Variants in PPP1R16B observed in about 807,000 individuals in gnomAD.
The protein encoded by PPP1R16B is protein phosphatase 1 regulatory inhibitor subunit 16B.
PPP1R16B carries 14 observed loss-of-function variants against 61.7 expected under a neutral mutation model. The ratio of observed to expected loss-of-function variants is 0.23; its 90% CI spans 0.15 to 0.35. PPP1R16B has a LOEUF of 0.35. PPP1R16B is among the 10% of genes least tolerant of loss of function. The probability of loss-of-function intolerance (pLI) is 1.00; values close to 1 mark genes in which losing one functional copy is unlikely to be tolerated. For missense variants in PPP1R16B, 547 were observed against 752.5 expected (o/e 0.73, Z 3.19); for synonymous variants, 266 against 305.3 (o/e 0.87, Z 1.34).
intron 1 of PPP1R16B, among the ~76,000 whole-genome samples, chr20:38,824,059 A>G (rs2084789062): frequency 6.6e-6 from 1 of 152,212 alleles, no homozygotes. Flanking sequence ...CCTAGTTACG[A>G]GTTCCCTAAC....
intron 4 of PPP1R16B, among the ~76,000 whole-genome samples, chr20:38,897,863 A>G (rs969188580): frequency 5.9e-5 from 9 of 152,214 alleles, no homozygotes; most frequent in African/African-American, 2.2e-4. Context: ...GACGTTGAGC[A>G]TCTTTTCATG....
chr20:38,837,569 T>C (rs2084880477), intron 2 of PPP1R16B, among the ~76,000 whole-genome samples: 1 of 149,016 alleles, frequency 6.7e-6, no homozygotes, highest in Non-Finnish European at 1.5e-5. Context: ...TGAGACAGAG[T>C]CTCACTCTGT....
chr20:38,851,022 C>T (rs1413643823), intron 2 of PPP1R16B, among the ~76,000 whole-genome samples: 1 of 151,928 alleles, frequency 6.6e-6, no homozygotes, highest in Non-Finnish European at 1.5e-5. Flanking sequence ...TGCCTGGGGC[C>T]ACACCCCCGG....
In PPP1R16B at chr20:38,908,166, C is replaced by T; in HGVS notation, c.1167C>T (p.Thr389=). 1 of 1,614,244 alleles carries T rather than the reference C, an allele frequency of 6.2e-7. No individual in the cohort carries two copies. Among genetic ancestry groups the T allele is most frequent in the Non-Finnish European group, 8.5e-7 (1 of 1,180,042 alleles). Residue 389 remains threonine (T), a synonymous_variant, in exon 10 of 11, where the codon ACC becomes ACT. Transcript: ENST00000299824. ...CCTACAACGGGGACATCAGGGAGAC[C>T]AGGACAGACCAAGAGAATAAGGACC... ...TSTYNGDIRE[T]RTDQENKDPN...
At chr20:38,905,904 A>G in intron 6 of PPP1R16B, 65 bp from the exon 7 acceptor site, 2 of 1,533,524 alleles carry the variant, frequency 1.3e-6, no homozygotes, top group South Asian at 2.4e-5. Flanking sequence ...TGAAGGTGAG[A>G]GCTAGCCTAC....
intron 2 of PPP1R16B, among the ~76,000 whole-genome samples, chr20:38,841,155 G>T (rs1257211361): frequency 6.6e-6 from 1 of 151,824 alleles, no homozygotes; most frequent in Non-Finnish European, 1.5e-5. Flanking sequence ...TATAAAATTT[G>T]CCCACTTTAA....
chr20:38,887,102 G>C (rs1409493524), intron 2 of PPP1R16B, among the ~76,000 whole-genome samples: 2 of 152,076 alleles, frequency 1.3e-5, no homozygotes, highest in Non-Finnish European at 2.9e-5. Context: ...ATGGATGATG[G>C]TGGTTGGATG....
At chr20:38,812,845 T>G (rs945744823) in intron 1 of PPP1R16B, among the ~76,000 whole-genome samples, 11 of 152,238 alleles carry the variant, frequency 7.2e-5, no homozygotes, top group Admixed American at 1.3e-4. Context: ...TAGAACTTAC[T>G]TGGATAGGGA....
At chr20:38,852,783 T>G (rs1442295135) in intron 2 of PPP1R16B, among the ~76,000 whole-genome samples, 216 of 20,214 alleles carry the variant, frequency 0.011, no homozygotes, top group Non-Finnish European at 0.013. Flanking sequence ...GGGGTGGGGG[T>G]AGCATGGGGG....
chr20:38,895,762 TCCAACTTCCTTCTTTCTCTCCTCCCTC>T, intron 4 of PPP1R16B, 52 bp downstream of exon 4: 3 of 1,363,796 alleles, frequency 2.2e-6, no homozygotes, highest in Non-Finnish European at 2.9e-6. Context: ...CTTGTCTTTT[TCCAACTTCCTTCTTTCTCTCCTCCCTC>T]CCTCCTTCCT....
At chr20:38,833,270 G>A (rs2084849123) in intron 1 of PPP1R16B, among the ~76,000 whole-genome samples, 1 of 152,204 alleles carries the variant, frequency 6.6e-6, no homozygotes, top group Non-Finnish European at 1.5e-5. Context: ...CTAGAGATGG[G>A]GAACAGATTA....
Position 38,889,528 on chromosome 20 carries a change from C to G in PPP1R16B, c.251-67C>G, listed in dbSNP as rs558944524. 4.3e-6 allele frequency: 6 copies of G among 1,403,696 alleles called. No individual in the cohort carries two copies. In the African/African-American group the frequency reaches 7.1e-5, roughly 17 times the overall value. The allele number at this position is 1,403,696 out of a possible 1,614,324, so 87.0% of individuals were successfully genotyped here. On this transcript the variant is annotated intron_variant, in intron 2 of 10. Transcript: ENST00000299824. ...GGCCTGGGGGAGAGCGGGTCTTACC[C>G]GGGCCCCTGCATGCCTGCACACCCA...
chr20:38,907,777 C>A lies in PPP1R16B; in HGVS notation c.899-29C>A. ...TTGCGCCACAGGTCCTGGCCCCGTC[C>A]CCCACAACAGACTCCTCTGCCCCTT... On this transcript the variant is annotated intron_variant, in intron 8 of 10. Transcript: ENST00000299824. This position sits in a 1 kb window ranked among gnomAD's most constrained non-coding sequence, Gnocchi z 4.5. 1 of 1,613,154 alleles carries A rather than the reference C, an allele frequency of 6.2e-7. No homozygotes were observed. Among genetic ancestry groups the A allele is most frequent in the South Asian group, 1.1e-5 (1 of 90,886 alleles).
chr20:38,869,213 G>A (rs190942181), intron 2 of PPP1R16B, among the ~76,000 whole-genome samples: 132 of 151,700 alleles, frequency 8.7e-4, no homozygotes, highest in Non-Finnish European at 1.4e-3. Flanking sequence ...GGCTGAATGC[G>A]GGTGGCACGA....
chr20:38,895,911 TTCTTCCCTCCCTC>T lies in PPP1R16B; in HGVS notation c.467+202_467+214del, dbSNP rs1169545025. Among the ~76,000 whole-genome samples, 109 of 92,318 alleles carry T rather than the reference TTCTTCCCTCCCTC, an allele frequency of 1.2e-3. 5 individuals are homozygous for T. Among genetic ancestry groups the T allele is most frequent in the Non-Finnish European group, 2.1e-3 (91 of 44,218 alleles). The allele number at this position is 92,318 out of a possible 152,430, so 60.6% of individuals were successfully genotyped here. ...CTTCCCTCCCTCCCTCCTTCCTTCT[TTCTTCCCTCCCTC>T]CCTCCTTCCTTCTTTCTTCCCTCCC... is the stretch of plus-strand genomic sequence containing the variant. On this transcript the variant is annotated intron_variant, in intron 4 of 10. Coordinates refer to ENST00000299824, the MANE Select transcript of PPP1R16B (RefSeq NM_015568.4).
chr20:38,918,113 C>G lies in PPP1R16B; in HGVS notation c.1195-44C>G. 1 of 1,602,026 alleles carries G rather than the reference C, an allele frequency of 6.2e-7. No individual in the cohort carries two copies. Among genetic ancestry groups the G allele is most frequent in the Non-Finnish European group, 8.5e-7 (1 of 1,172,006 alleles). ...CAGAGAGACAGGTGGATAGTAGGTT[C>G]AGATCTTCCAGCCAGCTGGTAATGT... On this transcript the variant is annotated intron_variant, in intron 10 of 10. Coordinates refer to ENST00000299824, the MANE Select transcript of PPP1R16B (RefSeq NM_015568.4). This position sits in a 1 kb window ranked among gnomAD's most constrained non-coding sequence, Gnocchi z 5.3.
At chr20:38,905,759 A>AG (rs2085435478) in intron 6 of PPP1R16B, among the ~76,000 whole-genome samples, 1 of 152,226 alleles carries the variant, frequency 6.6e-6, no homozygotes, top group Non-Finnish European at 1.5e-5. Context: ...GACCAACCAC[A>AG]GGGGAGAAGA....
chr20:38,886,689 G>A (rs1297691684), intron 2 of PPP1R16B, among the ~76,000 whole-genome samples: 1 of 152,214 alleles, frequency 6.6e-6, no homozygotes, highest in Non-Finnish European at 1.5e-5. Flanking sequence ...TGCGAGCAGA[G>A]GACTGCCTGC....
At chr20:38,841,371 A>G (rs1160778134) in intron 2 of PPP1R16B, among the ~76,000 whole-genome samples, 1 of 147,730 alleles carries the variant, frequency 6.8e-6, no homozygotes, top group African/African-American at 2.6e-5. Flanking sequence ...AAAAAAAAAA[A>G]AAAAAAAAAA....
Sources: gnomAD v4.1 joint callset for allele counts (sites outside exome capture counted in the v4.1 genomes callset) on GRCh38, gnomAD v4.1.1 for gene constraint, Gnocchi (gnomAD v3.1) non-coding constraint, MANE v1.5 for transcripts, NCBI Gene and HGNC (gene_info 2026-07-23, HGNC 2026-07-21) for gene names.